Variants in SLFN5 observed in about 807,000 individuals in gnomAD.
The protein encoded by SLFN5 is schlafen family member 5.
Under a neutral mutation model 48.5 loss-of-function variants are expected in SLFN5, and 34 were observed. The observed-to-expected ratio is 0.70, with a 90% CI of 0.53 to 0.93. SLFN5 has a LOEUF of 0.93. Ranked by LOEUF, SLFN5 falls within the 40% of genes least tolerant of loss-of-function variation. The pLI is 0.00. For synonymous variants in SLFN5, 387 were observed against 396.2 expected, an observed-to-expected ratio of 0.98 and a Z score of 0.28; for missense variants, 1,006 against 1,071.3, an observed-to-expected ratio of 0.94 and a Z score of 0.85.
intron 3 of SLFN5, among the ~76,000 whole-genome samples, chr17:35,262,917 C>T (rs1279146600): frequency 6.6e-6 from 1 of 152,102 alleles, no homozygotes; most frequent in African/African-American, 2.4e-5. Flanking sequence ...TCCCCAAATC[C>T]CTAACCTCTA....
chr17:35,259,178 A>C lies in SLFN5; in HGVS notation c.488A>C (p.Gln163Pro). Residue 163 changes from glutamine (Q) to proline (P), a missense_variant, in exon 2 of 5, where the codon CAA becomes CCA. Transcript: ENST00000299977. ...LGPQAAQGSV[Q>P]YEGNINVSAA... ...CCACAGGCAGCTCAGGGTAGTGTAC[A>C]ATATGAAGGTAACATAAATGTGTCA... is the stretch of plus-strand genomic sequence containing the variant. The C allele has an allele frequency of 6.2e-7, 1 of 1,614,130 alleles. No homozygotes were observed. Among genetic ancestry groups the C allele is most frequent in the Non-Finnish European group, 8.5e-7 (1 of 1,180,038 alleles).
Position 35,272,352 on chromosome 17 carries a change from A to C in SLFN5, c.*6464A>C, listed in dbSNP as rs1165909514. 1 of 152,184 alleles carries C rather than the reference A, an allele frequency of 6.6e-6. No homozygotes were observed. Among genetic ancestry groups the C allele is most frequent in the East Asian group, 1.9e-4 (1 of 5,196 alleles). 9.4% of individuals were successfully genotyped at this position (152,184 alleles called of 1,614,324 possible). On this transcript the variant is annotated 3_prime_UTR_variant, in exon 5 of 5. Transcript: ENST00000299977. ...GAACAACTCTGTCACCCAGCTAAAA[A>C]AAATTAAGCTTGGGCCATATGCCAG... is the stretch of plus-strand genomic sequence containing the variant.
chr17:35,270,209 C>A lies in SLFN5; in HGVS notation c.*4321C>A, dbSNP rs993927155. ...GGAATATTATTAACCTTGAATATTT[C>A]TAGTTGATGAGTTTATGAGTGATTT... On this transcript the variant is annotated 3_prime_UTR_variant, in exon 5 of 5. Transcript: ENST00000299977. 4.6e-5 allele frequency: 7 copies of A among 152,054 alleles called. No homozygotes were observed. The highest frequency in any genetic ancestry group is 1.7e-4 in the African/African-American group (7 of 41,398). 9.4% of individuals were successfully genotyped at this position (152,054 alleles called of 1,614,324 possible).
intron 3 of SLFN5, among the ~76,000 whole-genome samples, chr17:35,261,801 AG>A (rs1904528858): frequency 1.3e-5 from 2 of 150,742 alleles, no homozygotes. Context: ...TCAGCCTCTC[AG>A]GTAGCTGGAA....
Position 35,259,006 on chromosome 17 carries a change from G to A in SLFN5, c.316G>A (p.Ala106Thr). The A allele has an allele frequency of 1.9e-6, 3 of 1,614,170 alleles. No homozygotes were observed. The highest frequency in any genetic ancestry group is 2.5e-6 in the Non-Finnish European group (3 of 1,180,026). The change falls in exon 2 of 5, where the codon GCT becomes ACT. Residue 106 changes from alanine (A) to threonine (T), a missense_variant. Physicochemically the swap from Ala to Thr is moderately conservative, Grantham distance 58. Transcript: ENST00000299977. ...LIFVKSWNTE[A>T]GVPLATLCSN... ...TTTTGTGAAATCATGGAACACAGAG[G>A]CTGGTGTGCCACTTGCTACCTTATG...
chr17:35,259,053 G>A lies in SLFN5; in HGVS notation c.363G>A (p.Glu121=). ...ATLCSNLYHR[E]RTSTDVMDSQ... Reference sequence around the variant, plus strand: ...TATGCTCCAATTTGTACCACAGAGAGAGAACATCCACCGATGTCATGGATT... The same window carrying A: ...TATGCTCCAATTTGTACCACAGAGAAAGAACATCCACCGATGTCATGGATT... Residue 121 remains glutamate, a synonymous_variant, in exon 2 of 5, where the codon GAG becomes GAA. Transcript: ENST00000299977. 2.5e-6 allele frequency: 4 copies of A among 1,614,186 alleles called. No individual in the cohort carries two copies. Among genetic ancestry groups the A allele is most frequent in the Non-Finnish European group, 3.4e-6 (4 of 1,180,042 alleles).
Position 35,265,098 on chromosome 17 carries a change from C to G in SLFN5, c.1886C>G (p.Pro629Arg). ...VSFSKKNICQ[P>R]VTRKTFMKNN... The stretch of plus-strand genomic sequence containing the variant: ...TTCAGCAAGAAAAACATCTGCCAGC[C>G]AGTGACCCGGAAAACCTTCATGAAA... Residue 629 changes from proline to arginine, a missense_variant, in exon 5 of 5, where the codon CCA becomes CGA. Pro to Arg is a moderately radical substitution (Grantham distance 103, BLOSUM62 -2). Coordinates refer to ENST00000299977, the MANE Select transcript of SLFN5 (RefSeq NM_144975.4). 6.2e-7 allele frequency: 1 copy of G among 1,611,832 alleles called. No homozygotes were observed. The highest frequency in any genetic ancestry group is 8.5e-7 in the Non-Finnish European group (1 of 1,179,040).
At chr17:35,243,508 G>A (rs2092423767) in intron 1 of SLFN5, among the ~76,000 whole-genome samples, 1 of 152,226 alleles carries the variant, frequency 6.6e-6, no homozygotes, top group East Asian at 1.9e-4. Flanking sequence ...CGGGGCTCCC[G>A]AGGATGAAGT....
At position 35,258,677 on chromosome 17, in the gene SLFN5, C is replaced by G; in HGVS notation, c.-14C>G. The G allele has an allele frequency of 6.2e-7, 1 of 1,604,706 alleles. No homozygotes were observed. Among genetic ancestry groups the G allele is most frequent in the East Asian group, 2.2e-5 (1 of 44,712 alleles). On this transcript the variant is annotated 5_prime_UTR_variant, in exon 2 of 5. Coordinates refer to ENST00000299977, the MANE Select transcript of SLFN5 (RefSeq NM_144975.4). Reference sequence around the variant, plus strand: ...AGAACATTTCAGGATAGGAATAGGCCAAGTGCTGAGAAGATGAGTCTTAGG... The same window carrying G: ...AGAACATTTCAGGATAGGAATAGGCGAAGTGCTGAGAAGATGAGTCTTAGG...
intron 1 of SLFN5, among the ~76,000 whole-genome samples, chr17:35,253,961 G>A (rs978006782): frequency 7.9e-5 from 12 of 151,594 alleles, no homozygotes; most frequent in Admixed American, 6.6e-4. Context: ...TCTTCCCAAA[G>A]TGCTGGGATT....
chr17:35,264,516 C>T lies in SLFN5; in HGVS notation c.1472C>T (p.Thr491Ile). The T allele has an allele frequency of 6.2e-7, 1 of 1,614,024 alleles. No individual in the cohort carries two copies. Among genetic ancestry groups the T allele is most frequent in the Non-Finnish European group, 8.5e-7 (1 of 1,179,966 alleles). ...GGCTACACTGGGAGGTTATGCATCA[C>T]CCCCTTGGTCTGTGTGCTGAATTCT... ...KGGYTGRLCI[T>I]PLVCVLNSDR... is the part of the protein sequence containing the mutation. The change falls in exon 4 of 5, where the codon ACC (threonine) becomes ATC (isoleucine). Residue 491 changes from threonine to isoleucine, a missense_variant. By Grantham distance (89) the Thr-to-Ile change is moderately conservative. Coordinates refer to ENST00000299977, the MANE Select transcript of SLFN5 (RefSeq NM_144975.4).
rs151027052 is a variant in SLFN5, at chr17:35,257,042, T to TA, written c.-40-1607dup. Among the ~76,000 whole-genome samples, 852 of 152,252 alleles carry TA rather than the reference T, an allele frequency of 5.6e-3. 7 individuals are homozygous for TA. Among genetic ancestry groups the TA allele is most frequent in the African/African-American group, 0.02 (820 of 41,512 alleles). On this transcript the variant is annotated intron_variant, in intron 1 of 4. Transcript: ENST00000299977. Reference sequence around the variant, plus strand: ...TGCGCACTCCTTATGAGAATCTAACTAATGCCTGGTGATCTGAGGTAGAAC... The same window carrying TA: ...TGCGCACTCCTTATGAGAATCTAACTAAATGCCTGGTGATCTGAGGTAGAAC...
In SLFN5 at chr17:35,265,999, T is replaced by C; in HGVS notation, c.*111T>C. On this transcript the variant is annotated 3_prime_UTR_variant, in exon 5 of 5. Coordinates refer to ENST00000299977, the MANE Select transcript of SLFN5 (RefSeq NM_144975.4). ...ACTCACTTATTAAGTCACATACTTT[T>C]CTAGGTGCTGGGGATTGAGAACGAA... 4.2e-6 allele frequency: 5 copies of C among 1,195,420 alleles called. No homozygotes were observed. Among genetic ancestry groups the C allele is most frequent in the Non-Finnish European group, 5.7e-6 (5 of 873,050 alleles). The allele number at this position is 1,195,420 out of a possible 1,614,324, so 74.1% of individuals were successfully genotyped here.
rs1292165476 is a variant in SLFN5, at chr17:35,270,447, T to C, written c.*4559T>C. 1 of 152,154 alleles carries C rather than the reference T, an allele frequency of 6.6e-6. No individual in the cohort carries two copies. Among genetic ancestry groups the C allele is most frequent in the Non-Finnish European group, 1.5e-5 (1 of 68,038 alleles). The allele number at this position is 152,154 out of a possible 1,614,324, so 9.4% of individuals were successfully genotyped here. ...CCATGAACTAAAACCTATGAGTCAT[T>C]GGTACAGGTAGGGAAAATCTAGGTA... On this transcript the variant is annotated 3_prime_UTR_variant, in exon 5 of 5. Coordinates refer to ENST00000299977, the MANE Select transcript of SLFN5 (RefSeq NM_144975.4).
At chr17:35,255,118 C>T (rs1374641125) in intron 1 of SLFN5, among the ~76,000 whole-genome samples, 1 of 152,144 alleles carries the variant, frequency 6.6e-6, no homozygotes, top group East Asian at 1.9e-4. Context: ...AGACATCTTT[C>T]TTGGGATTCT....
chr17:35,249,464 T>TGTGTGTTG (rs2092437645), intron 1 of SLFN5, among the ~76,000 whole-genome samples: 1 of 152,214 alleles, frequency 6.6e-6, no homozygotes, highest in Non-Finnish European at 1.5e-5. Flanking sequence ...TAACTATAAA[T>TGTGTGTTG]ACAGGTGGTC....
At position 35,264,193 on chromosome 17, in the gene SLFN5, C is replaced by T. The variant is rs547343452; in HGVS notation, c.1149C>T (p.Asp383=). Reference sequence around the variant, plus strand: ...CCTTTCCCTGTCTAGTATTTTCAGACAGAGTGGTATATACTCCAGAAAGCC... The same window carrying T: ...CCTTTCCCTGTCTAGTATTTTCAGATAGAGTGGTATATACTCCAGAAAGCC... The part of the protein sequence containing the change: ...QQKRYFPVFS[D]RVVYTPESLY... Residue 383 remains aspartate, a synonymous_variant, in exon 4 of 5, where the codon GAC becomes GAT. Transcript: ENST00000299977. The T allele has an allele frequency of 4.4e-6, 7 of 1,585,930 alleles. No homozygotes were observed. The highest frequency in any genetic ancestry group is 6.0e-6 in the Non-Finnish European group (7 of 1,168,678).
At position 35,266,154 on chromosome 17, in the gene SLFN5, G is replaced by C. The variant is rs1344866759; in HGVS notation, c.*266G>C. On this transcript the variant is annotated 3_prime_UTR_variant, in exon 5 of 5. Transcript: ENST00000299977. ...GTGAGACTCAGAGATGTGTGTGTGT[G>C]TGTGTGTGTGTGTGTGTGTGTGTGC... 1 of 264,058 alleles carries C rather than the reference G, an allele frequency of 3.8e-6. No individual in the cohort carries two copies. Among genetic ancestry groups the C allele is most frequent in the African/African-American group, 2.7e-5 (1 of 36,708 alleles). The allele number at this position is 264,058 out of a possible 1,614,324, so 16.4% of individuals were successfully genotyped here.
At chr17:35,251,740 G>A (rs2092443111) in intron 1 of SLFN5, among the ~76,000 whole-genome samples, 1 of 117,598 alleles carries the variant, frequency 8.5e-6, no homozygotes, top group Non-Finnish European at 1.7e-5. Context: ...TAAAGACAGA[G>A]TCTTGTTCTG....
Sources: allele counts gnomAD v4.1 joint callset (sites outside exome capture counted in the v4.1 genomes callset), GRCh38; gene constraint gnomAD v4.1.1; transcripts MANE v1.5; gene names NCBI Gene and HGNC (gene_info 2026-07-23, HGNC 2026-07-21).